Variants in TAF6L observed in about 807,000 individuals in gnomAD.
The protein encoded by TAF6L is TAF6-like RNA polymerase II p300/CBP-associated factor-associated factor 65 kDa subunit 6L.
In TAF6L, 34 loss-of-function variants were observed where a neutral mutation model predicts 57.3. The observed-to-expected ratio is 0.59, with a 90% CI of 0.45 to 0.79. The LOEUF (loss-of-function observed/expected upper bound fraction) is 0.79, where lower values mean the gene tolerates loss of function less well. Among genes scored for constraint, TAF6L ranks in the 30% least tolerant of loss-of-function variants. The probability of loss-of-function intolerance (pLI) is 0.00; values close to 1 mark genes in which losing one functional copy is unlikely to be tolerated. For synonymous variants in TAF6L, 417 were observed against 376.3 expected (o/e 1.11, Z -1.25); for missense variants, 782 against 853.2 (o/e 0.92, Z 1.04).
chr11:62,776,227 G>A (rs1325145084), intron 2 of TAF6L, among the ~76,000 whole-genome samples, 157 bp from the exon 3 acceptor site: 2 of 152,108 alleles, frequency 1.3e-5, no homozygotes, highest in Non-Finnish European at 2.9e-5. Flanking sequence ...ACACCCGGGG[G>A]GTGTTTTTGT....
chr11:62,775,519 G>C, intron 1 of TAF6L: 1 of 409,046 alleles, frequency 2.4e-6, no homozygotes, highest in Admixed American at 4.1e-5. Context: ...CACATAGAAG[G>C]TGACAGGGCA....
In TAF6L at chr11:62,772,859, T is replaced by TG. The variant is rs1275772795; in HGVS notation, c.-14+1369_-14+1370insG. Among the ~76,000 whole-genome samples, 20 of 151,972 alleles carry TG rather than the reference T, an allele frequency of 1.3e-4. No homozygotes were observed. The East Asian group carries it at 3.1e-3, about 23-fold the overall frequency. ...TTCTTTCTTTTAGAAGATCTTTTTT[T>TG]TTTGTTTGTTTTTGTTTTTTGTTTT... On this transcript the variant is annotated intron_variant, in intron 1 of 10. Coordinates refer to ENST00000294168, the MANE Select transcript of TAF6L (RefSeq NM_006473.4).
At chr11:62,778,360 C>A (rs777479253) in intron 5 of TAF6L, 25 bp downstream of exon 5, 4 of 1,613,968 alleles carry the variant, frequency 2.5e-6, no homozygotes, top group Non-Finnish European at 1.7e-6. Context: ...AGGAAACAGG[C>A]TCTTTGGATG....
rs1031484637 is a variant in TAF6L, at chr11:62,787,266, C to G, written c.1839C>G (p.Leu613=). ...RTSRPARRWA[L]SDYSLYLPL is the part of the protein sequence containing the mutation. Reference sequence around the variant, plus strand: ...GCCGCCCCGCCCGCCGGTGGGCGCTCTCGGACTACTCGCTGTACTTGCCGC... The same window carrying G: ...GCCGCCCCGCCCGCCGGTGGGCGCTGTCGGACTACTCGCTGTACTTGCCGC... Residue 613 remains leucine, a synonymous_variant, in exon 11 of 11, where the codon CTC becomes CTG. Transcript: ENST00000294168. The G allele has an allele frequency of 2.6e-6, 4 of 1,561,526 alleles. No individual in the cohort carries two copies. Among genetic ancestry groups the G allele is most frequent in the Non-Finnish European group, 3.4e-6 (4 of 1,162,278 alleles).
chr11:62,775,062 C>CAA (rs35218634), intron 1 of TAF6L, among the ~76,000 whole-genome samples: 81 of 62,778 alleles, frequency 1.3e-3, no homozygotes, highest in African/African-American at 2.9e-3. Context: ...GACTCTGTCT[C>CAA]AAAAAAAAAA....
At chr11:62,777,717 C>T (rs945546280) in intron 3 of TAF6L, among the ~76,000 whole-genome samples, 1 of 152,134 alleles carries the variant, frequency 6.6e-6, no homozygotes, top group African/African-American at 2.4e-5. Flanking sequence ...ATAAGGAGGA[C>T]CAGTGCTTGG....
At chr11:62,784,073 C>T (rs1458725383) in intron 9 of TAF6L, among the ~76,000 whole-genome samples, 1 of 37,994 alleles carries the variant, frequency 2.6e-5, no homozygotes, top group Non-Finnish European at 5.2e-5. Context: ...ACTGCAACCT[C>T]CACCTCCCGG....
chr11:62,783,574 G>A (rs1432160805), intron 9 of TAF6L, among the ~76,000 whole-genome samples: 11 of 146,254 alleles, frequency 7.5e-5, no homozygotes, highest in African/African-American at 1.5e-4. Flanking sequence ...TGCTCTTGTC[G>A]CCCAGGCTAG....
intron 1 of TAF6L, chr11:62,772,067 C>T (rs998507101): frequency 6.6e-6 from 3 of 456,112 alleles, no homozygotes; most frequent in Non-Finnish European, 1.3e-5. Context: ...CCTACTTACT[C>T]AGTGCTTACT....
rs559891516 is a variant in TAF6L, at chr11:62,777,907, G to T, written c.235-71G>T. 1.7e-5 allele frequency: 27 copies of T among 1,561,800 alleles called. No homozygotes were observed. In the South Asian group the frequency reaches 3.2e-4, roughly 19 times the overall value. On this transcript the variant is annotated intron_variant, in intron 3 of 10. Coordinates refer to ENST00000294168, the MANE Select transcript of TAF6L (RefSeq NM_006473.4). ...TGGGCTCTCTGCTCTGGTCAGTGGA[G>T]CCTCATCCTGGATCCTGACGCCTGC...
At chr11:62,774,744 C>T in intron 1 of TAF6L, 1 of 442,256 alleles carries the variant, frequency 2.3e-6, no homozygotes, top group South Asian at 1.6e-5. Flanking sequence ...GAAAGCCCAG[C>T]TACTATCCAG....
At chr11:62,778,688 G>A (rs2084204806) in intron 5 of TAF6L, 181 bp from the exon 6 acceptor site, 1 of 631,480 alleles carries the variant, frequency 1.6e-6, no homozygotes, top group East Asian at 2.7e-5. Flanking sequence ...GCACAGAGGT[G>A]TGCAGAGCCT....
In TAF6L at chr11:62,787,073, A is replaced by G. The variant is rs2084287933; in HGVS notation, c.1646A>G (p.Lys549Arg). ...ACCGGCACCCGCGACGTTTTCCAGA[A>G]GAGCCGTTTCGCCCCGCGCGGCGCC... Reference protein sequence around the residue: ...PGTGTRDVFQKSRFAPRGAPH... With the variant: ...PGTGTRDVFQRSRFAPRGAPH... Residue 549 changes from lysine to arginine, a missense_variant, in exon 11 of 11, where the codon AAG (lysine) becomes AGG (arginine). Around this residue, in one of 3 missense-constraint regions of TAF6L, gnomAD observed 483 missense variants for 445.1 expected, o/e 1.09. Coordinates refer to ENST00000294168, the MANE Select transcript of TAF6L (RefSeq NM_006473.4). The G allele has an allele frequency of 1.3e-6, 2 of 1,531,082 alleles. No homozygotes were observed. The highest frequency in any genetic ancestry group is 2.5e-5 in the East Asian group (1 of 39,652). 94.8% of individuals were successfully genotyped at this position (1,531,082 alleles called of 1,614,324 possible). A position where few individuals can be genotyped will look rare whatever the true frequency, so the allele number is the denominator to read the frequency against.
chr11:62,774,196 C>G (rs1295914464), intron 1 of TAF6L, among the ~76,000 whole-genome samples: 1 of 152,032 alleles, frequency 6.6e-6, no homozygotes, highest in Non-Finnish European at 1.5e-5. Context: ...CCTGCCTCAG[C>G]CTCCCGAGTA....
intron 1 of TAF6L, among the ~76,000 whole-genome samples, chr11:62,774,079 A>C (rs2084168347): frequency 6.6e-6 from 1 of 151,362 alleles, no homozygotes; most frequent in Non-Finnish European, 1.5e-5. Context: ...TTTGTTCTTT[A>C]TTTCTTTTTT....
At chr11:62,773,925 T>TAAC (rs2084167541) in intron 1 of TAF6L, among the ~76,000 whole-genome samples, 2 of 151,968 alleles carry the variant, frequency 1.3e-5, no homozygotes, top group African/African-American at 4.8e-5. Flanking sequence ...GAAGCAGTGT[T>TAAC]CAAAGGTCCT....
chr11:62,781,834 C>T (rs2084232027), intron 6 of TAF6L, 60 bp from the exon 7 acceptor site: 3 of 1,386,874 alleles, frequency 2.2e-6, no homozygotes, highest in Non-Finnish European at 1.0e-6. Flanking sequence ...CAGAAGAATA[C>T]CGCATTCATG....
rs141797401 is a variant in TAF6L at position 62,778,053 on chromosome 11, G to C, written c.310G>C (p.Asp104His). ...GGAGGGTGAACTCTACTTTCCTGAG[G>C]ATCGAGAGGTGAACCTGGTGGAGCT... ...AREGELYFPEDREVNLVELAL... is the reference protein window; with the variant it reads ...AREGELYFPEHREVNLVELAL... Residue 104 changes from aspartate to histidine, a missense_variant, in exon 4 of 11, where the codon GAT becomes CAT. Physicochemically the swap from Asp to His is moderately conservative, Grantham distance 81. Coordinates refer to ENST00000294168, the MANE Select transcript of TAF6L (RefSeq NM_006473.4). 63 of 1,613,986 alleles carry C rather than the reference G, an allele frequency of 3.9e-5. No homozygotes were observed. Among genetic ancestry groups the C allele is most frequent in the Non-Finnish European group, 5.1e-5 (60 of 1,180,018 alleles).
At chr11:62,780,895 C>T (rs188509801) in intron 6 of TAF6L, among the ~76,000 whole-genome samples, 15 of 149,478 alleles carry the variant, frequency 1.0e-4, no homozygotes, top group African/African-American at 3.2e-4. Flanking sequence ...CGAGATCGCG[C>T]CACCGCACTC....
Sources: allele counts gnomAD v4.1 joint callset (sites outside exome capture counted in the v4.1 genomes callset), GRCh38; gene constraint gnomAD v4.1.1; regional missense constraint gnomAD v4.1.1; transcripts MANE v1.5; gene names NCBI Gene and HGNC (gene_info 2026-07-23, HGNC 2026-07-21).